AOAH: variants seen among roughly 807,000 people sequenced by gnomAD.
The protein encoded by AOAH is acyloxyacyl hydrolase (neutrophil).
A neutral mutation model predicts 92.2 loss-of-function variants in AOAH; 64 were observed. The observed-to-expected ratio is 0.69, with a 90% confidence interval of 0.57 to 0.86. The LOEUF (loss-of-function observed/expected upper bound fraction) is 0.86, where lower values mean the gene tolerates loss of function less well. AOAH is among the 40% of genes least tolerant of loss of function. The pLI, the probability that AOAH is intolerant of heterozygous loss-of-function variation, is 0.00. For missense variants in AOAH, 656 were observed against 694.6 expected (o/e 0.94, Z 0.62); for synonymous variants, 263 against 254.5 (o/e 1.03, Z -0.32).
chr7:36,714,979 G>A lies in AOAH; in HGVS notation c.127+9043C>T, dbSNP rs529546926. On this transcript the variant is annotated intron_variant, in intron 1 of 20. Transcript: ENST00000617537. ...CATAGTGTTGGAAGTTCTGGCCAGC[G>A]CAATCAGGCAGGAGAAGGAAATAAA... Among the ~76,000 whole-genome samples the A allele has an allele frequency of 3.3e-5, 5 of 152,202 alleles. 1 individual carries two copies. Among genetic ancestry groups the A allele is most frequent in the East Asian group, 1.9e-4 (1 of 5,174 alleles).
rs1219534045 is a variant in AOAH, at chr7:36,614,761, G to GCTGGCATCTGGT, written c.846+1607_846+1618dup. On this transcript the variant is annotated intron_variant, in intron 11 of 20. Transcript: ENST00000617537. The surrounding 1 kb of genome is among the most constrained non-coding windows in gnomAD (Gnocchi z 4.2). ...GCTGTCACCTGCCCCAGCCGGCAGT[G>GCTGGCATCTGGT]CTGGCATCTGGTGGGCAGAGGAGAC... 6.6e-6 allele frequency among the ~76,000 whole-genome samples: 1 copy of GCTGGCATCTGGT among 152,234 alleles called. No homozygotes were observed. Among genetic ancestry groups the GCTGGCATCTGGT allele is most frequent in the Non-Finnish European group, 1.5e-5 (1 of 68,044 alleles).
In AOAH at chr7:36,607,280, T is replaced by C. The variant is rs1416946662; in HGVS notation, c.846+9100A>G. Reference sequence around the variant, plus strand: ...GGCAGAAGGGCCCATTATGAAACAATGCCCACTTGTTTTTCTACAGCATTT... The same window carrying C: ...GGCAGAAGGGCCCATTATGAAACAACGCCCACTTGTTTTTCTACAGCATTT... On this transcript the variant is annotated intron_variant, in intron 11 of 20. Transcript: ENST00000617537. 2.0e-5 allele frequency among the ~76,000 whole-genome samples: 3 copies of C among 152,208 alleles called. 1 individual carries two copies. The highest frequency in any genetic ancestry group is 7.2e-5 in the African/African-American group (3 of 41,452).
At chr7:36,517,214 C>CTTTCTTTCTTTCTTTTTCTCTT (rs59205788) in intron 20 of AOAH, among the ~76,000 whole-genome samples, 9,392 of 104,818 alleles carry the variant, frequency 0.09, 684 homozygotes, top group Admixed American at 0.12. Context: ...TTCTTTCTTT[C>CTTTCTTTCTTTCTTTTTCTCTT]TCTTTCTTTC....
At chr7:36,720,466 C>T (rs976988995) in intron 1 of AOAH, among the ~76,000 whole-genome samples, 8 of 152,110 alleles carry the variant, frequency 5.3e-5, no homozygotes, top group South Asian at 2.1e-4. Context: ...CCACCACACA[C>T]GACCTAAAAT....
At chr7:36,526,145 A>G (rs1251563311) in intron 19 of AOAH, among the ~76,000 whole-genome samples, 2 of 152,224 alleles carry the variant, frequency 1.3e-5, no homozygotes, top group African/African-American at 4.8e-5. Context: ...AGCAACTACA[A>G]GGGAGTCCAG....
intron 1 of AOAH, among the ~76,000 whole-genome samples, chr7:36,718,278 G>A (rs1799375143): frequency 6.6e-6 from 1 of 152,148 alleles, no homozygotes; most frequent in Admixed American, 6.6e-5. Flanking sequence ...CAGCTACTAT[G>A]ATGGCGATAG....
intron 18 of AOAH, among the ~76,000 whole-genome samples, chr7:36,530,980 A>G (rs1249331147): frequency 6.6e-6 from 1 of 152,248 alleles, no homozygotes; most frequent in Non-Finnish European, 1.5e-5. Flanking sequence ...ACGATGGCTC[A>G]TCACAATGCT....
chr7:36,537,070 A>G (rs1049774548), intron 16 of AOAH, among the ~76,000 whole-genome samples: 1 of 151,888 alleles, frequency 6.6e-6, no homozygotes, highest in Non-Finnish European at 1.5e-5. Flanking sequence ...TGCCGGATAA[A>G]TCCCACCTAC....
intron 16 of AOAH, among the ~76,000 whole-genome samples, chr7:36,534,551 T>C (rs1204135301): frequency 1.3e-5 from 2 of 152,226 alleles, no homozygotes; most frequent in Non-Finnish European, 2.9e-5. Context: ...GATGGGCTTA[T>C]GGTTTCGAGG....
At chr7:36,722,112 C>T (rs1462433018) in intron 1 of AOAH, among the ~76,000 whole-genome samples, 1 of 152,182 alleles carries the variant, frequency 6.6e-6, no homozygotes, top group Non-Finnish European at 1.5e-5. Context: ...ATCCGAATAC[C>T]ACCTCCTAAC....
At chr7:36,710,386 A>AT (rs1431307197) in intron 1 of AOAH, among the ~76,000 whole-genome samples, 3 of 152,202 alleles carry the variant, frequency 2.0e-5, no homozygotes, top group Non-Finnish European at 4.4e-5. Flanking sequence ...ATTGAGAGTG[A>AT]TCCCTAACTG....
At chr7:36,641,056 C>A (rs1367888641) in intron 4 of AOAH, among the ~76,000 whole-genome samples, 1 of 152,158 alleles carries the variant, frequency 6.6e-6, no homozygotes, top group Non-Finnish European at 1.5e-5. Flanking sequence ...AGCTAAGCTC[C>A]TACTCAAATC....
intron 4 of AOAH, among the ~76,000 whole-genome samples, chr7:36,642,145 T>C (rs190185597): frequency 1.7e-4 from 26 of 152,178 alleles, no homozygotes; most frequent in African/African-American, 6.0e-4. Context: ...GCAGGTGTAA[T>C]TATTAGGTTG....
intron 13 of AOAH, among the ~76,000 whole-genome samples, chr7:36,571,723 T>C (rs537352562): frequency 2.0e-5 from 3 of 152,184 alleles, no homozygotes; most frequent in Admixed American, 6.5e-5. Flanking sequence ...TGCCCCCAGC[T>C]ACCCTCCTGC....
At chr7:36,513,649 A>T (rs111695238) in intron 20 of AOAH, among the ~76,000 whole-genome samples, 20 of 152,138 alleles carry the variant, frequency 1.3e-4, no homozygotes, top group African/African-American at 4.8e-4. Flanking sequence ...CTGGCTTCGG[A>T]GGCTCTCCTT....
At chr7:36,579,375 C>T (rs1788761148) in intron 12 of AOAH, among the ~76,000 whole-genome samples, 1 of 149,286 alleles carries the variant, frequency 6.7e-6, no homozygotes, top group Non-Finnish European at 1.5e-5. Context: ...GAACCCCGCC[C>T]CCCCCAAATT....
chr7:36,655,594 C>T (rs1321512975), intron 4 of AOAH, among the ~76,000 whole-genome samples: 1 of 152,130 alleles, frequency 6.6e-6, no homozygotes, highest in East Asian at 1.9e-4. Context: ...AAAATTTGTA[C>T]TTAGTTGTGT....
At chr7:36,555,762 T>C (rs1358174191) in intron 13 of AOAH, among the ~76,000 whole-genome samples, 1 of 152,212 alleles carries the variant, frequency 6.6e-6, no homozygotes, top group East Asian at 1.9e-4. Flanking sequence ...GATTTTCTAG[T>C]TTATTTGCGT....
chr7:36,702,928 C>T (rs1284407978), intron 1 of AOAH, among the ~76,000 whole-genome samples: 1 of 152,178 alleles, frequency 6.6e-6, no homozygotes, highest in Non-Finnish European at 1.5e-5. Context: ...GGAGTCAGTC[C>T]TCTAAAACCC....
Sources: allele counts gnomAD v4.1 joint callset (sites outside exome capture counted in the v4.1 genomes callset), GRCh38; gene constraint gnomAD v4.1.1; non-coding constraint Gnocchi (gnomAD v3.1); transcripts MANE v1.5; gene names NCBI Gene and HGNC (gene_info 2026-07-23, HGNC 2026-07-21).